The following FCHSD2 variants were observed in gnomAD, a reference collection of about 807,000 sequenced individuals.
FCHSD2 encodes F-BAR and double SH3 domains protein 2.
In FCHSD2, 38 loss-of-function variants were observed where a neutral mutation model predicts 108.1. The ratio of observed to expected loss-of-function variants is 0.35; its 90% CI spans 0.27 to 0.46. FCHSD2 has a LOEUF of 0.46. FCHSD2 is among the 20% of genes least tolerant of loss of function. FCHSD2 has a pLI of 1.00. For synonymous variants in FCHSD2, 279 were observed against 314.7 expected (o/e 0.89, Z 1.20); for missense variants, 751 against 897.8 (o/e 0.84, Z 2.09).
At chr11:73,010,522 GT>G (rs1486279244) in intron 4 of FCHSD2, among the ~76,000 whole-genome samples, 1 of 152,168 alleles carries the variant, frequency 6.6e-6, no homozygotes, top group African/African-American at 2.4e-5. Context: ...ACTTCTTCCA[GT>G]TTTTTGAATT....
At chr11:72,857,792 T>C (rs1861464550) in intron 13 of FCHSD2, among the ~76,000 whole-genome samples, 1 of 152,104 alleles carries the variant, frequency 6.6e-6, no homozygotes, top group African/African-American at 2.4e-5. Context: ...GATGATCTTT[T>C]TGAGTTGGTT....
chr11:73,084,814 C>T (rs1859776588), intron 2 of FCHSD2, among the ~76,000 whole-genome samples: 2 of 152,290 alleles, frequency 1.3e-5, no homozygotes, highest in East Asian at 1.9e-4. Flanking sequence ...CAAACATAGG[C>T]ATTGTAGAGT....
chr11:72,866,779 G>C (rs1182387826), intron 13 of FCHSD2, among the ~76,000 whole-genome samples: 1 of 152,178 alleles, frequency 6.6e-6, no homozygotes, highest in African/African-American at 2.4e-5. Flanking sequence ...AATGCTATGT[G>C]AAAAAATTGA....
intron 8 of FCHSD2, among the ~76,000 whole-genome samples, chr11:72,959,513 G>C (rs545888765): frequency 2.0e-4 from 31 of 151,966 alleles, no homozygotes; most frequent in Non-Finnish European, 4.0e-4. Flanking sequence ...GGGATAACAG[G>C]CGTGAGCCAC....
intron 19 of FCHSD2, among the ~76,000 whole-genome samples, 178 bp downstream of exon 19, chr11:72,840,699 C>T (rs547289366): frequency 6.6e-6 from 1 of 152,250 alleles, no homozygotes; most frequent in Non-Finnish European, 1.5e-5. Context: ...TTAAATGTCC[C>T]GAGATGAGTT....
At chr11:73,026,511 G>A (rs985664271) in intron 3 of FCHSD2, among the ~76,000 whole-genome samples, 1 of 151,948 alleles carries the variant, frequency 6.6e-6, no homozygotes, top group Admixed American at 6.6e-5. Flanking sequence ...AAAAGAAACC[G>A]AGTATAAAAA....
At chr11:73,062,257 T>C (rs760741234) in intron 3 of FCHSD2, among the ~76,000 whole-genome samples, 1 of 152,038 alleles carries the variant, frequency 6.6e-6, no homozygotes, top group African/African-American at 2.4e-5. Context: ...AGGAATAGCA[T>C]GTGCACTCAA....
intron 2 of FCHSD2, among the ~76,000 whole-genome samples, chr11:73,132,886 T>C (rs974786459): frequency 6.7e-6 from 1 of 149,626 alleles, no homozygotes; most frequent in Non-Finnish European, 1.5e-5. Context: ...ATACTGCATA[T>C]ATTTGCAAAT....
At chr11:72,884,104 A>G (rs955393476) in intron 12 of FCHSD2, among the ~76,000 whole-genome samples, 3 of 152,122 alleles carry the variant, frequency 2.0e-5, no homozygotes, top group African/African-American at 7.2e-5. Flanking sequence ...CACTCTTAGT[A>G]TCATTAATAG....
chr11:72,916,968 CTT>C (rs71062793), intron 9 of FCHSD2, among the ~76,000 whole-genome samples: 13 of 118,756 alleles, frequency 1.1e-4, no homozygotes, highest in South Asian at 2.7e-4. Context: ...GAACTTCATT[CTT>C]TTTTTTTTTT....
chr11:72,968,143 A>G (rs185689078), intron 8 of FCHSD2, among the ~76,000 whole-genome samples: 4 of 152,198 alleles, frequency 2.6e-5, no homozygotes, highest in African/African-American at 9.6e-5. Context: ...GGCCTTTGGA[A>G]TTATCTTGAG....
chr11:73,026,453 C>T (rs1362247947), intron 3 of FCHSD2, among the ~76,000 whole-genome samples: 1 of 152,086 alleles, frequency 6.6e-6, no homozygotes, highest in Non-Finnish European at 1.5e-5. Flanking sequence ...TATCTTATAA[C>T]ATCATATCAT....
In FCHSD2 at chr11:72,954,196, A is replaced by AATTTT. The variant is rs1565339614; in HGVS notation, c.705+29891_705+29892insAAAAT. On this transcript the variant is annotated intron_variant, in intron 8 of 19. Transcript: ENST00000409418. Reference sequence around the variant, plus strand: ...TAGAATATTAGCAGTAGATGTGGGGATTTTTTTTTTTTTTTTTTTTTTTTT... The same window carrying AATTTT: ...TAGAATATTAGCAGTAGATGTGGGGAATTTTTTTTTTTTTTTTTTTTTTTTTTTTT... 3.0e-4 allele frequency among the ~76,000 whole-genome samples: 33 copies of AATTTT among 111,702 alleles called. 12 individuals carry two copies. The highest frequency in any genetic ancestry group is 2.1e-4 in the Admixed American group (2 of 9,536). 73.3% of individuals were successfully genotyped at this position (111,702 alleles called of 152,430 possible). A position where few individuals can be genotyped will look rare whatever the true frequency, so the allele number is the denominator to read the frequency against.
At chr11:73,122,145 G>C (rs964913218) in intron 2 of FCHSD2, among the ~76,000 whole-genome samples, 1 of 151,470 alleles carries the variant, frequency 6.6e-6, no homozygotes, top group Non-Finnish European at 1.5e-5. Context: ...TTTAATACCA[G>C]AGTTTTTTGT....
chr11:73,140,034 A>C lies in FCHSD2; in HGVS notation c.116T>G (p.Met39Arg). The C allele has an allele frequency of 2.0e-6, 3 of 1,523,282 alleles. No homozygotes were observed. Among genetic ancestry groups the C allele is most frequent in the Non-Finnish European group, 2.7e-6 (3 of 1,127,070 alleles). 94.4% of individuals were successfully genotyped at this position (1,523,282 alleles called of 1,614,324 possible). A position where few individuals can be genotyped will look rare whatever the true frequency, so the allele number is the denominator to read the frequency against. ...GAACTATTTACTATAGCCTTACCTC[A>C]TATCTTCAAGCAAATCACATTCTGC... ...HQAECDLLED[M>R]RTFSQKKAAI... The change falls in exon 2 of 20, where the codon ATG (methionine) becomes AGG (arginine). Residue 39 changes from methionine to arginine, a missense_variant. Transcript: ENST00000409418.
intron 8 of FCHSD2, among the ~76,000 whole-genome samples, chr11:72,965,675 T>C (rs1375337696): frequency 1.3e-5 from 2 of 151,310 alleles, no homozygotes; most frequent in African/African-American, 2.4e-5. Flanking sequence ...ATTTAGAGCA[T>C]TTCCAACACC....
chr11:73,136,756 G>A (rs1424222776), intron 2 of FCHSD2, among the ~76,000 whole-genome samples: 3 of 152,112 alleles, frequency 2.0e-5, no homozygotes, highest in East Asian at 3.8e-4. Flanking sequence ...CGGGCCAGGC[G>A]CAGTGGCTCA....
intron 12 of FCHSD2, among the ~76,000 whole-genome samples, chr11:72,870,769 G>C (rs563983811): frequency 6.6e-6 from 1 of 151,604 alleles, no homozygotes; most frequent in East Asian, 1.9e-4. Context: ...GCGTGGTGGC[G>C]GGTGCCTGTA....
At chr11:73,127,026 ACT>A (rs1180824170) in intron 2 of FCHSD2, among the ~76,000 whole-genome samples, 1 of 152,108 alleles carries the variant, frequency 6.6e-6, no homozygotes. Context: ...ATGGAATAAG[ACT>A]CTGTCTCAAA....
Sources: gnomAD v4.1 joint callset for allele counts (sites outside exome capture counted in the v4.1 genomes callset) on GRCh38, gnomAD v4.1.1 for gene constraint, MANE v1.5 for transcripts, NCBI Gene and HGNC (gene_info 2026-07-23, HGNC 2026-07-21) for gene names.